The following AGBL1 variants were observed in gnomAD, a reference collection of about 807,000 sequenced individuals.
AGBL1 encodes cytosolic carboxypeptidase 4.
In AGBL1, 130 loss-of-function variants were observed where a neutral mutation model predicts 118.9. That is an observed-to-expected ratio of 1.09 (90% CI 0.95 to 1.26). The LOEUF is 1.26. AGBL1 is among the 50% of genes most tolerant of loss of function. The pLI is 0.00. For missense variants in AGBL1, 1,584 were observed against 1,298.1 expected (o/e 1.22, Z -3.38); for synonymous variants, 555 against 478.9 (o/e 1.16, Z -2.08).
intron 22 of AGBL1, among the ~76,000 whole-genome samples, chr15:86,792,280 C>T (rs966877959): frequency 6.6e-6 from 1 of 152,108 alleles, no homozygotes; most frequent in African/African-American, 2.4e-5. Flanking sequence ...TAGTCCCCTT[C>T]TTCCTTTCAT....
intron 5 of AGBL1, among the ~76,000 whole-genome samples, chr15:86,168,351 C>CA (rs2077370500): frequency 6.6e-6 from 1 of 152,002 alleles, no homozygotes; most frequent in Non-Finnish European, 1.5e-5. Flanking sequence ...ATAAGAGCAC[C>CA]ACGTTCTAGG....
At chr15:86,475,619 C>T (rs987973618) in intron 18 of AGBL1, among the ~76,000 whole-genome samples, 3 of 151,996 alleles carry the variant, frequency 2.0e-5, no homozygotes, top group South Asian at 2.1e-4. Context: ...GAAAGTGATG[C>T]GGAGAATGGA....
chr15:86,604,550 C>T (rs2084544173), intron 21 of AGBL1, among the ~76,000 whole-genome samples: 1 of 152,148 alleles, frequency 6.6e-6, no homozygotes, highest in Non-Finnish European at 1.5e-5. Flanking sequence ...TGGATCACCA[C>T]ACATTTATCT....
At chr15:86,136,438 A>C (rs2076890184) in intron 1 of AGBL1, among the ~76,000 whole-genome samples, 1 of 152,202 alleles carries the variant, frequency 6.6e-6, no homozygotes, top group Non-Finnish European at 1.5e-5. Flanking sequence ...AGTCTTTGTG[A>C]ACAGCAGCCC....
At chr15:86,235,624 C>G (rs569629113) in intron 6 of AGBL1, among the ~76,000 whole-genome samples, 3 of 152,290 alleles carry the variant, frequency 2.0e-5, no homozygotes, top group South Asian at 4.2e-4. Flanking sequence ...CAAGATGTAC[C>G]TAAGGTGTTT....
chr15:86,687,829 G>C, intron 22 of AGBL1, among the ~76,000 whole-genome samples: 1 of 152,096 alleles, frequency 6.6e-6, no homozygotes. Context: ...AGTGTCCTCA[G>C]ATATACACTG....
intron 22 of AGBL1, among the ~76,000 whole-genome samples, chr15:86,847,099 C>T (rs995795734): frequency 2.6e-5 from 4 of 152,114 alleles, no homozygotes; most frequent in Non-Finnish European, 5.9e-5. Context: ...TTCTTCCACT[C>T]CAGAATTTTT....
downstream of AGBL1, among the ~76,000 whole-genome samples, chr15:86,917,749 G>GT (rs2080441807): frequency 6.7e-6 from 1 of 150,192 alleles, no homozygotes; most frequent in Non-Finnish European, 1.5e-5. The surrounding 1 kb of genome is among the most constrained non-coding windows in gnomAD (Gnocchi z 4.8). Context: ...GATTCGGGGA[G>GT]TGGGGCCAGG....
chr15:86,981,486 G>A (rs948216294), intron 23 of AGBL1, among the ~76,000 whole-genome samples: 3 of 151,936 alleles, frequency 2.0e-5, no homozygotes, highest in Non-Finnish European at 4.4e-5. Context: ...TCAGCTCTTC[G>A]TCACTATTAT....
At chr15:86,088,189 T>A (rs1895789530) in intron 1 of AGBL1, 1 of 152,272 alleles carries the variant, frequency 6.6e-6, no homozygotes, top group Non-Finnish European at 1.5e-5. Flanking sequence ...TTGTTACCCC[T>A]GGCCTGAAGG....
At chr15:86,192,571 T>G (rs1194230223) in intron 5 of AGBL1, among the ~76,000 whole-genome samples, 1 of 152,128 alleles carries the variant, frequency 6.6e-6, no homozygotes, top group Non-Finnish European at 1.5e-5. Flanking sequence ...TAAAAGTGTT[T>G]AACTCCTTTG....
intron 1 of AGBL1, among the ~76,000 whole-genome samples, chr15:86,093,186 A>G: frequency 6.6e-6 from 1 of 152,206 alleles, no homozygotes; most frequent in South Asian, 2.1e-4. Context: ...TGAACCACAC[A>G]CAAGCTAGTC....
intron 1 of AGBL1, among the ~76,000 whole-genome samples, chr15:86,087,309 C>A (rs1402460336): frequency 6.7e-6 from 1 of 150,176 alleles, no homozygotes; most frequent in Non-Finnish European, 1.5e-5. Flanking sequence ...AAGTTTTTCA[C>A]ATGCATTGTC....
At chr15:86,262,273 T>C (rs1311624519) in intron 9 of AGBL1, among the ~76,000 whole-genome samples, 2 of 152,054 alleles carry the variant, frequency 1.3e-5, no homozygotes, top group African/African-American at 4.8e-5. Flanking sequence ...ACTGTTTTTC[T>C]TCTCTCGCTA....
intron 1 of AGBL1, among the ~76,000 whole-genome samples, chr15:86,131,985 G>C (rs1288404860): frequency 1.3e-5 from 2 of 151,830 alleles, no homozygotes; most frequent in Non-Finnish European, 2.9e-5. Context: ...GTCTACATGG[G>C]ATGCCAGTTC....
At chr15:86,658,979 A>T (rs2085500784) in intron 21 of AGBL1, among the ~76,000 whole-genome samples, 1 of 152,134 alleles carries the variant, frequency 6.6e-6, no homozygotes, top group African/African-American at 2.4e-5. Context: ...TACGCAGAAC[A>T]TGTGTTGGCT....
At chr15:86,127,926 C>A (rs191936106) in intron 1 of AGBL1, among the ~76,000 whole-genome samples, 1 of 152,132 alleles carries the variant, frequency 6.6e-6, no homozygotes, top group Non-Finnish European at 1.5e-5. Flanking sequence ...CTTAGAGAAG[C>A]CCTGCCCATC....
chr15:86,587,954 C>G (rs1351211928), intron 21 of AGBL1, among the ~76,000 whole-genome samples: 2 of 152,112 alleles, frequency 1.3e-5, no homozygotes, highest in Non-Finnish European at 2.9e-5. Flanking sequence ...CTTTTAGACC[C>G]CAACCTGTCT....
At chr15:86,947,856 T>C (rs1195403193) in intron 23 of AGBL1, among the ~76,000 whole-genome samples, 1 of 152,254 alleles carries the variant, frequency 6.6e-6, no homozygotes, top group Non-Finnish European at 1.5e-5. Context: ...TTCCTTTAGA[T>C]TTTACATTAA....
Sources: allele counts gnomAD v4.1 joint callset (sites outside exome capture counted in the v4.1 genomes callset), GRCh38; gene constraint gnomAD v4.1.1; non-coding constraint Gnocchi (gnomAD v3.1); transcripts MANE v1.5; gene names NCBI Gene and HGNC (gene_info 2026-07-23, HGNC 2026-07-21).